The following RORA variants were observed in gnomAD, a reference collection of about 807,000 sequenced individuals.
RORA encodes RAR related orphan receptor A, also known as nuclear receptor ROR-alpha.
In RORA, 7 loss-of-function variants were observed where a neutral mutation model predicts 69.5. The ratio of observed to expected loss-of-function variants is 0.10; its 90% CI spans 0.06 to 0.19. The LOEUF (loss-of-function observed/expected upper bound fraction) is 0.19. Ranked by LOEUF, RORA falls within the 10% of genes least tolerant of loss-of-function variation. The pLI, the probability that RORA is intolerant of heterozygous loss-of-function variation, is 1.00. For missense variants in RORA, 457 were observed against 663.0 expected, an observed-to-expected ratio of 0.69 and a Z score of 3.41; for synonymous variants, 261 against 240.8, an observed-to-expected ratio of 1.08 and a Z score of -0.78.
intron 1 of RORA, among the ~76,000 whole-genome samples, chr15:60,965,917 T>G (rs1893543346): frequency 6.6e-6 from 1 of 152,176 alleles, no homozygotes; most frequent in Non-Finnish European, 1.5e-5. Context: ...ATATATGTAT[T>G]AGTTTGCTAA....
chr15:60,702,222 T>C (rs2140793412), intron 1 of RORA, among the ~76,000 whole-genome samples: 1 of 152,244 alleles, frequency 6.6e-6, no homozygotes, highest in Non-Finnish European at 1.5e-5. Flanking sequence ...GTAATTCGGC[T>C]TCAATGATCT....
chr15:60,703,496 C>T (rs577833716), intron 1 of RORA, among the ~76,000 whole-genome samples: 1 of 152,240 alleles, frequency 6.6e-6, no homozygotes, highest in East Asian at 1.9e-4. Flanking sequence ...CATCCCTCTG[C>T]CTTAATGCAC....
chr15:60,845,282 G>C (rs1345490485), intron 1 of RORA, among the ~76,000 whole-genome samples: 1 of 152,182 alleles, frequency 6.6e-6, no homozygotes, highest in Non-Finnish European at 1.5e-5. Flanking sequence ...GTCCCAGAAA[G>C]ACACACTGCA....
chr15:60,857,007 G>A (rs1038389011), intron 1 of RORA, among the ~76,000 whole-genome samples: 1 of 152,196 alleles, frequency 6.6e-6, no homozygotes, highest in Non-Finnish European at 1.5e-5. Flanking sequence ...CTGGAAGGAT[G>A]AGCACAGAGG....
chr15:60,672,747 A>C (rs977554724), intron 2 of RORA, among the ~76,000 whole-genome samples: 18 of 152,244 alleles, frequency 1.2e-4, no homozygotes, highest in African/African-American at 4.3e-4. Context: ...TGAGCAGATT[A>C]AATGAAATAA....
rs1300441655 is a variant in RORA at position 61,039,092 on chromosome 15, G to C, written c.166+189961C>G. The C allele has an allele frequency of 2.0e-5, 3 of 152,224 alleles. No homozygotes were observed. In the East Asian group the frequency reaches 5.8e-4, roughly 29 times the overall value. 9.4% of individuals were successfully genotyped at this position (152,224 alleles called of 1,614,324 possible). On this transcript the variant is annotated intron_variant, in intron 1 of 10. Transcript: ENST00000335670. The stretch of plus-strand genomic sequence containing the variant: ...CAACTCAAACCTCTTGCTGTTTGGG[G>C]TTAGCTCGTCCTTGGCCAAGTACAA...
chr15:61,227,761 C>A (rs767474031), intron 1 of RORA, among the ~76,000 whole-genome samples: 1 of 152,228 alleles, frequency 6.6e-6, no homozygotes, highest in Non-Finnish European at 1.5e-5. Flanking sequence ...CAAGCCGGGG[C>A]TGGAGAAATC....
At chr15:61,089,455 C>CAT (rs1448378057) in intron 1 of RORA, among the ~76,000 whole-genome samples, 1 of 152,104 alleles carries the variant, frequency 6.6e-6, no homozygotes, top group Non-Finnish European at 1.5e-5. Flanking sequence ...CACAAACATG[C>CAT]ATATATATAC....
intron 1 of RORA, among the ~76,000 whole-genome samples, chr15:61,037,343 G>C (rs1017364211): frequency 2.6e-5 from 4 of 152,158 alleles, no homozygotes; most frequent in African/African-American, 9.7e-5. Flanking sequence ...CCAAACCAAT[G>C]AATGAATACA....
intron 1 of RORA, among the ~76,000 whole-genome samples, chr15:61,181,680 CAAAAAAAAAAAAA>C (rs749054081): frequency 1.7e-5 from 1 of 57,764 alleles, no homozygotes; most frequent in South Asian, 7.6e-4. Flanking sequence ...TTAGCTTTGG[CAAAAAAAAAAAAA>C]AAAAAAAAAG....
chr15:60,891,717 A>T (rs202228167), intron 1 of RORA, among the ~76,000 whole-genome samples: 7 of 151,434 alleles, frequency 4.6e-5, no homozygotes, highest in Non-Finnish European at 1.0e-4. Context: ...TCTGCACGTG[A>T]CTCCTTTACT....
chr15:60,719,544 G>C (rs2071266350), intron 1 of RORA, among the ~76,000 whole-genome samples: 1 of 152,140 alleles, frequency 6.6e-6, no homozygotes, highest in Non-Finnish European at 1.5e-5. Context: ...GCAGAGAATA[G>C]GTGCAAAAAC....
rs566947233 is a variant in RORA, at chr15:60,488,827, T to G, written c.*8628A>C. On this transcript the variant is annotated 3_prime_UTR_variant, in exon 11 of 11. Coordinates refer to ENST00000335670, the MANE Select transcript of RORA (RefSeq NM_134261.3). ...TTACTCAAACAGAAGTTTGTGAAAT[T>G]TGTGTGCTTAATCCTCAAGACCTAC... 1 of 151,680 alleles carries G rather than the reference T, an allele frequency of 6.6e-6. No individual in the cohort carries two copies. The highest frequency in any genetic ancestry group is 1.5e-5 in the Non-Finnish European group (1 of 67,798). 9.4% of individuals were successfully genotyped at this position (151,680 alleles called of 1,614,324 possible). A position where few individuals can be genotyped will look rare whatever the true frequency, so the allele number is the denominator to read the frequency against.
chr15:61,008,696 CT>C (rs1482394012), intron 1 of RORA, among the ~76,000 whole-genome samples: 1 of 152,000 alleles, frequency 6.6e-6, no homozygotes, highest in African/African-American at 2.4e-5. Flanking sequence ...TGACTTACCC[CT>C]TTTTAATGCC....
intron 1 of RORA, among the ~76,000 whole-genome samples, chr15:61,047,712 ATC>A (rs766537754): frequency 2.6e-5 from 4 of 152,168 alleles, no homozygotes; most frequent in Non-Finnish European, 5.9e-5. Context: ...CTTTTTTGGC[ATC>A]TGATAGTACA....
intron 1 of RORA, among the ~76,000 whole-genome samples, chr15:60,807,809 A>G (rs2072680082): frequency 6.6e-6 from 1 of 152,224 alleles, no homozygotes; most frequent in Non-Finnish European, 1.5e-5. Context: ...AAAGCAAACA[A>G]AAGCAGAAAG....
intron 1 of RORA, among the ~76,000 whole-genome samples, chr15:61,206,292 T>C (rs944764436): frequency 6.6e-6 from 1 of 152,194 alleles, no homozygotes. Context: ...TTCTATATCA[T>C]GGCCACCCAG....
chr15:60,821,402 C>CT (rs1179582886), intron 1 of RORA, among the ~76,000 whole-genome samples: 3 of 152,176 alleles, frequency 2.0e-5, no homozygotes, highest in African/African-American at 7.2e-5. Context: ...CTGTGGTCCC[C>CT]TTAAGTCCTC....
chr15:60,685,438 G>T (rs1567155224), intron 1 of RORA, among the ~76,000 whole-genome samples: 1 of 152,138 alleles, frequency 6.6e-6, no homozygotes, highest in Non-Finnish European at 1.5e-5. Context: ...GTTTTCTAAA[G>T]AAAAAATATC....
Sources: gnomAD v4.1 joint callset for allele counts (sites outside exome capture counted in the v4.1 genomes callset) on GRCh38, gnomAD v4.1.1 for gene constraint, MANE v1.5 for transcripts, NCBI Gene and HGNC (gene_info 2026-07-23, HGNC 2026-07-21) for gene names.